Variants in RUBCN observed in about 807,000 individuals in gnomAD.
RUBCN encodes rubicon autophagy regulator.
Under a neutral mutation model 113.2 loss-of-function variants are expected in RUBCN, and 74 were observed. That is an observed-to-expected ratio of 0.65 (90% CI 0.54 to 0.79). RUBCN has a LOEUF of 0.79. Among genes scored for constraint, RUBCN ranks in the 30% least tolerant of loss-of-function variants. The probability of loss-of-function intolerance (pLI) is 0.00; values close to 1 mark genes in which losing one functional copy is unlikely to be tolerated. For missense variants in RUBCN, 1,109 were observed against 1,251.7 expected (o/e 0.89, Z 1.72); for synonymous variants, 480 against 490.0 (o/e 0.98, Z 0.27).
chr3:197,698,811 G>C (rs1325640115), intron 7 of RUBCN, among the ~76,000 whole-genome samples: 2 of 141,344 alleles, frequency 1.4e-5, no homozygotes, highest in Non-Finnish European at 3.0e-5. Context: ...TGGGCAATGC[G>C]GTGAAACCCT....
chr3:197,698,157 G>A (rs958466991), intron 7 of RUBCN, among the ~76,000 whole-genome samples: 2 of 152,174 alleles, frequency 1.3e-5, no homozygotes, highest in African/African-American at 4.8e-5. Context: ...ACCTCCTAAT[G>A]CCACCATTTA....
intron 1 of RUBCN, among the ~76,000 whole-genome samples, chr3:197,723,571 A>T (rs1726405734): frequency 1.3e-5 from 2 of 151,984 alleles, no homozygotes; most frequent in South Asian, 2.1e-4. Flanking sequence ...CTATACTTTA[A>T]CTCCATTCCT....
rs752331087 is a variant in RUBCN, at chr3:197,677,435, G to A, written c.2492+45C>T. ...CAAGCGCGGGGATGTGTCCCTTTCG[G>A]AGACAGCAACGTGGCCAGAGGGCTC... On this transcript the variant is annotated intron_variant, in intron 17 of 19. Transcript: ENST00000296343. 3.3e-6 allele frequency: 5 copies of A among 1,534,174 alleles called. No individual in the cohort carries two copies. In the African/African-American group the frequency reaches 4.1e-5, roughly 13 times the overall value.
chr3:197,738,988 CAG>C (rs1295482770), upstream of RUBCN, among the ~76,000 whole-genome samples: 3 of 151,630 alleles, frequency 2.0e-5, no homozygotes, highest in Non-Finnish European at 4.4e-5. Context: ...ATTTTTGAGA[CAG>C]AGTTTCACTC....
chr3:197,745,996 A>G (rs1026121807), intron 1 of RUBCN, among the ~76,000 whole-genome samples: 20 of 152,190 alleles, frequency 1.3e-4, no homozygotes, highest in African/African-American at 4.8e-4. Flanking sequence ...ATGCCACTGC[A>G]CTCCAGCCTG....
At chr3:197,716,808 T>G (rs1226614515) in intron 2 of RUBCN, among the ~76,000 whole-genome samples, 1 of 151,712 alleles carries the variant, frequency 6.6e-6, no homozygotes, top group Non-Finnish European at 1.5e-5. Context: ...GAATGGTCCA[T>G]AAGGAGAGAA....
chr3:197,731,016 T>G (rs147422052), intron 1 of RUBCN, among the ~76,000 whole-genome samples: 1 of 151,920 alleles, frequency 6.6e-6, no homozygotes, highest in South Asian at 2.1e-4. Context: ...TTGTTTTTAT[T>G]GATCATTCTT....
rs754124782 is a variant in RUBCN, at chr3:197,684,241, G to A, written c.1787-24C>T. ...ATCTACATGGAAACCAGAGATAAGG[G>A]GAGCGCAATGGAAACGGGGTGGGTA... On this transcript the variant is annotated intron_variant, in intron 11 of 19. Transcript: ENST00000296343. The A allele has an allele frequency of 4.5e-5, 72 of 1,598,388 alleles. No homozygotes were observed. In the South Asian group the frequency reaches 6.8e-4, roughly 15 times the overall value.
chr3:197,676,394 AC>A (rs1720427174), intron 18 of RUBCN: 1 of 852,792 alleles, frequency 1.2e-6, no homozygotes, highest in Admixed American at 5.1e-5. Context: ...GCTCACTGCA[AC>A]CTCCGCCTCC....
rs1387482485 is a variant in RUBCN, at chr3:197,675,744, C to T, written c.2647-229G>A. On this transcript the variant is annotated intron_variant, in intron 18 of 19. Transcript: ENST00000296343. This position sits in a 1 kb window ranked among gnomAD's most constrained non-coding sequence, Gnocchi z 4.4. ...GCACCAGCCGGAGAAGCTCCGACCC[C>T]CAGCGCGGCTCTCCATGAAGAGAGG... Among the ~76,000 whole-genome samples, 1 of 150,314 alleles carries T rather than the reference C, an allele frequency of 6.7e-6. No individual in the cohort carries two copies. The highest frequency in any genetic ancestry group is 1.5e-5 in the Non-Finnish European group (1 of 67,296).
At position 197,674,748 on chromosome 3, in the gene RUBCN, A is replaced by G. The variant is rs1302598341; in HGVS notation, c.*270T>C. Reference sequence around the variant, plus strand: ...TGTCTCTTCCACTGACAGAGGCACTAGAAGCTTCACTGAAGGACCCGCATG... The same window carrying G: ...TGTCTCTTCCACTGACAGAGGCACTGGAAGCTTCACTGAAGGACCCGCATG... On this transcript the variant is annotated 3_prime_UTR_variant, in exon 20 of 20. Transcript: ENST00000296343. 3 of 491,626 alleles carry G rather than the reference A, an allele frequency of 6.1e-6. No individual in the cohort carries two copies. Among genetic ancestry groups the G allele is most frequent in the Non-Finnish European group, 1.1e-5 (3 of 277,442 alleles). 30.5% of individuals were successfully genotyped at this position (491,626 alleles called of 1,614,324 possible).
chr3:197,695,067 A>G (rs1722855421), intron 9 of RUBCN, among the ~76,000 whole-genome samples: 1 of 152,262 alleles, frequency 6.6e-6, no homozygotes, highest in Non-Finnish European at 1.5e-5. Context: ...CAATGCTGCC[A>G]GACGCAGCGG....
At chr3:197,696,834 GA>G in intron 8 of RUBCN, 119 bp downstream of exon 8, 1 of 687,416 alleles carries the variant, frequency 1.5e-6, no homozygotes, top group African/African-American at 1.9e-5. Flanking sequence ...GAGTGACTGA[GA>G]CTGTAACAGT....
chr3:197,731,802 AC>A (rs1187534147), intron 1 of RUBCN, among the ~76,000 whole-genome samples: 1 of 147,812 alleles, frequency 6.8e-6, no homozygotes, highest in Non-Finnish European at 1.5e-5. Flanking sequence ...CGGGGGGCTG[AC>A]CCCCCCACCT....
Position 197,694,426 on chromosome 3 carries a change from G to C in RUBCN, c.1633C>G (p.Gln545Glu). Residue 545 changes from glutamine to glutamate, a missense_variant, in exon 10 of 20, where the codon CAA becomes GAA. Physicochemically the swap from Gln to Glu is conservative, Grantham distance 29. This residue lies in a region of RUBCN where 736 missense variants were observed against 779.6 expected (regional missense o/e 0.94). Transcript: ENST00000296343. ...GGGAGCAGGTTCTTGGTGCGGATTT[G>C]CTGGCGCCGAAGGCGGATCTTCTGC... ...LKQKIRLRRQ[Q>E]IRTKNLLPMY... 1 of 1,614,226 alleles carries C rather than the reference G, an allele frequency of 6.2e-7. No individual in the cohort carries two copies. The highest frequency in any genetic ancestry group is 1.3e-5 in the African/African-American group (1 of 75,058).
At chr3:197,676,392 C>A (rs1720425632) in intron 18 of RUBCN, 2 of 857,206 alleles carry the variant, frequency 2.3e-6, no homozygotes, top group Non-Finnish European at 2.9e-6. Flanking sequence ...CGGCTCACTG[C>A]AACCTCCGCC....
upstream of RUBCN, among the ~76,000 whole-genome samples, chr3:197,739,806 CAGG>C (rs1728450356): frequency 6.6e-6 from 1 of 152,208 alleles, no homozygotes; most frequent in Non-Finnish European, 1.5e-5. Flanking sequence ...GAGGCCCAGG[CAGG>C]CGGGTCACTT....
At chr3:197,749,636 G>T in exon 1 of RUBCN, 4 of 961,128 alleles carry the variant, frequency 4.2e-6, no homozygotes, top group South Asian at 1.4e-5. Context: ...ATCACTGAAG[G>T]CATAAGATTC....
At chr3:197,693,579 C>T (rs1295309375) in intron 11 of RUBCN, 136 bp downstream of exon 11, 2 of 694,476 alleles carry the variant, frequency 2.9e-6, no homozygotes, top group Non-Finnish European at 5.1e-6. Context: ...TTGTTTTTAG[C>T]AGAAGGCTGT....
Sources: allele counts gnomAD v4.1 joint callset (sites outside exome capture counted in the v4.1 genomes callset), GRCh38; gene constraint gnomAD v4.1.1; regional missense constraint gnomAD v4.1.1; non-coding constraint Gnocchi (gnomAD v3.1); transcripts MANE v1.5; gene names NCBI Gene and HGNC (gene_info 2026-07-23, HGNC 2026-07-21).